CDC14B: variants seen among roughly 807,000 people sequenced by gnomAD.
CDC14B encodes the protein cell division cycle 14B, also known as dual specificity protein phosphatase CDC14B.
Under a neutral mutation model 64.2 loss-of-function variants are expected in CDC14B, and 22 were observed. The ratio of observed to expected loss-of-function variants is 0.34; its 90% CI spans 0.24 to 0.49. The LOEUF is 0.49. Ranked by LOEUF, CDC14B falls within the 20% of genes least tolerant of loss-of-function variation. The probability of loss-of-function intolerance (pLI) is 0.99; values close to 1 mark genes in which losing one functional copy is unlikely to be tolerated. For synonymous variants in CDC14B, 191 were observed against 215.8 expected (o/e 0.89, Z 1.01); for missense variants, 498 against 629.9 (o/e 0.79, Z 2.24).
intron 9 of CDC14B, among the ~76,000 whole-genome samples, chr9:96,529,807 A>C (rs1838156744): frequency 6.6e-6 from 1 of 152,026 alleles, no homozygotes; most frequent in Admixed American, 6.6e-5. Context: ...ATGAAGTTTT[A>C]AACCAGGAAG....
intron 12 of CDC14B, among the ~76,000 whole-genome samples, chr9:96,516,385 T>G (rs1001169091): frequency 1.3e-5 from 2 of 152,240 alleles, no homozygotes; most frequent in Non-Finnish European, 2.9e-5. Flanking sequence ...CACTTAGGTA[T>G]GCATACTATA....
At chr9:96,589,206 G>A (rs1391289353) in intron 1 of CDC14B, among the ~76,000 whole-genome samples, 1 of 152,040 alleles carries the variant, frequency 6.6e-6, no homozygotes, top group Non-Finnish European at 1.5e-5. Context: ...GGGCGTGGTG[G>A]CATGCGCCTG....
intron 5 of CDC14B, among the ~76,000 whole-genome samples, chr9:96,543,161 C>G (rs1220503141): frequency 1.3e-5 from 2 of 152,202 alleles, no homozygotes; most frequent in South Asian, 2.1e-4. Context: ...ACGGTGAAAC[C>G]CTGTCTCTAC....
At chr9:96,565,255 A>G in intron 2 of CDC14B, 138 bp downstream of exon 2, 2 of 552,392 alleles carry the variant, frequency 3.6e-6, no homozygotes, top group Non-Finnish European at 6.3e-6. Context: ...GGTTTATTTT[A>G]TTACTACAGG....
At chr9:96,498,917 GTCCCTGCAGCCTGCTGCC>G (rs1297949070), downstream of CDC14B, among the ~76,000 whole-genome samples, 1 of 152,232 alleles carries the variant, frequency 6.6e-6, no homozygotes, top group African/African-American at 2.4e-5. Context: ...AGGACCAGGG[GTCCCTGCAGCCTGCTGCC>G]TCCCAGCCAC....
chr9:96,528,566 C>CA (rs766869986), intron 9 of CDC14B, among the ~76,000 whole-genome samples: 2 of 152,206 alleles, frequency 1.3e-5, no homozygotes, highest in Non-Finnish European at 2.9e-5. Flanking sequence ...GCTGCTACAA[C>CA]ATGGGTGTAA....
chr9:96,535,868 A>G (rs1466356365), intron 7 of CDC14B, among the ~76,000 whole-genome samples: 3 of 152,194 alleles, frequency 2.0e-5, no homozygotes, highest in Admixed American at 6.5e-5. Context: ...AAGCCCAGGA[A>G]TTTGAGTCCA....
chr9:96,514,537 A>C (rs1423997951), intron 12 of CDC14B: 1 of 985,342 alleles, frequency 1.0e-6, no homozygotes, highest in African/African-American at 1.7e-5. Context: ...AATCAGCTTG[A>C]TTTTTAAATC....
At chr9:96,527,385 C>A (rs772297157) in intron 9 of CDC14B, among the ~76,000 whole-genome samples, 33 of 152,096 alleles carry the variant, frequency 2.2e-4, no homozygotes, top group Non-Finnish European at 4.4e-4. Context: ...GGCGACAGAG[C>A]AAGACTCCGT....
intron 1 of CDC14B, among the ~76,000 whole-genome samples, chr9:96,606,901 T>G (rs2118941727): frequency 6.6e-6 from 1 of 151,998 alleles, no homozygotes; most frequent in South Asian, 2.1e-4. Flanking sequence ...CTGGGCATGG[T>G]GGTGTGCACC....
intron 4 of CDC14B, among the ~76,000 whole-genome samples, chr9:96,557,490 A>C (rs1842642609): frequency 6.6e-6 from 1 of 152,214 alleles, no homozygotes; most frequent in African/African-American, 2.4e-5. Flanking sequence ...TTCCTCCTGC[A>C]GGCACTGGCT....
Position 96,523,291 on chromosome 9 carries a change from G to C in CDC14B, c.1215C>G (p.Val405=). The C allele has an allele frequency of 6.2e-7, 1 of 1,614,000 alleles. No homozygotes were observed. The highest frequency in any genetic ancestry group is 8.5e-7 in the Non-Finnish European group (1 of 1,179,970). The part of the protein sequence containing the change: ...SGVDDISING[V]ENQDQQEPEP... ...CGGGTTCTTGCTGATCTTGATTCTC[G>C]ACCCCATTTATGGAAATGTCATCAA... Residue 405 remains valine (V), a synonymous_variant, in exon 11 of 14, where the codon GTC becomes GTG. Coordinates refer to ENST00000375241, the MANE Select transcript of CDC14B (RefSeq NM_033331.4).
chr9:96,494,172 A>G (rs1833159095), intron 13 of CDC14B, among the ~76,000 whole-genome samples: 1 of 152,208 alleles, frequency 6.6e-6, no homozygotes, highest in African/African-American at 2.4e-5. Flanking sequence ...GGAAGGTAGA[A>G]ACTGAAACCA....
At chr9:96,527,393 C>A (rs141694814) in intron 9 of CDC14B, among the ~76,000 whole-genome samples, 7 of 151,996 alleles carry the variant, frequency 4.6e-5, no homozygotes, top group Non-Finnish European at 7.4e-5. Context: ...AGCAAGACTC[C>A]GTCTCAAAAA....
chr9:96,498,438 C>G (rs1229958370), downstream of CDC14B, among the ~76,000 whole-genome samples: 1 of 152,186 alleles, frequency 6.6e-6, no homozygotes, highest in African/African-American at 2.4e-5. Context: ...CACTGAGGGG[C>G]CGCGGGAAGG....
At position 96,503,746 on chromosome 9, in the gene CDC14B, T is replaced by G. The variant is rs1833751536; in HGVS notation, c.*7A>C. ...GTCTTCCTTCAGCTCTGGTCACAGG[T>G]TTTTACTTAACGCAAGACTGTTTTA... On this transcript the variant is annotated 3_prime_UTR_variant, in exon 14 of 14. Transcript: ENST00000375241. The G allele has an allele frequency of 1.2e-6, 2 of 1,612,960 alleles. No homozygotes were observed. Among genetic ancestry groups the G allele is most frequent in the Middle Eastern group, 1.7e-4 (1 of 6,060 alleles).
At chr9:96,513,886 C>T (rs958709974) in intron 12 of CDC14B, among the ~76,000 whole-genome samples, 3 of 152,188 alleles carry the variant, frequency 2.0e-5, no homozygotes, top group Non-Finnish European at 4.4e-5. Context: ...AACAACTTAG[C>T]AGACGATGCC....
chr9:96,601,192 G>A (rs1432136137), intron 1 of CDC14B, among the ~76,000 whole-genome samples: 1 of 151,962 alleles, frequency 6.6e-6, no homozygotes, highest in Non-Finnish European at 1.5e-5. Context: ...AACATGCTCT[G>A]AACAATCTAA....
At chr9:96,493,457 G>A (rs1456665642) in intron 13 of CDC14B, among the ~76,000 whole-genome samples, 2 of 152,234 alleles carry the variant, frequency 1.3e-5, no homozygotes, top group African/African-American at 4.8e-5. Context: ...TGTGGATGGA[G>A]GATGAGGTGT....
Sources: gnomAD v4.1 joint callset for allele counts (sites outside exome capture counted in the v4.1 genomes callset) on GRCh38, gnomAD v4.1.1 for gene constraint, MANE v1.5 for transcripts, NCBI Gene and HGNC (gene_info 2026-07-23, HGNC 2026-07-21) for gene names.